SLC39A11: variants seen among roughly 807,000 people sequenced by gnomAD.
The protein encoded by SLC39A11 is solute carrier family 39 member 11.
Under a neutral mutation model 36.1 loss-of-function variants are expected in SLC39A11, and 33 were observed. The observed-to-expected ratio is 0.91, with a 90% CI of 0.69 to 1.22. SLC39A11 has a LOEUF of 1.22. SLC39A11 is among the 50% of genes most tolerant of loss of function. The pLI is 0.00. For missense variants in SLC39A11, 432 were observed against 430.3 expected (o/e 1.00, Z -0.03); for synonymous variants, 166 against 170.3 (o/e 0.97, Z 0.20).
At chr17:73,044,825 C>T (rs2059221991) in intron 3 of SLC39A11, among the ~76,000 whole-genome samples, 1 of 146,210 alleles carries the variant, frequency 6.8e-6, no homozygotes, top group Non-Finnish European at 1.5e-5. Context: ...TGCAGTGAGC[C>T]AAAATCACGC....
chr17:72,908,491 T>C (rs937419263), intron 5 of SLC39A11, among the ~76,000 whole-genome samples: 2 of 152,170 alleles, frequency 1.3e-5, no homozygotes, highest in African/African-American at 2.4e-5. Context: ...GACAGGACAC[T>C]ACCGTGCCGT....
chr17:73,018,455 G>C (rs1268998278), intron 4 of SLC39A11, among the ~76,000 whole-genome samples: 1 of 152,086 alleles, frequency 6.6e-6, no homozygotes, highest in East Asian at 1.9e-4. Context: ...AGCTGAGGCA[G>C]GAGAATCACT....
rs1179763924 is a variant in SLC39A11, at chr17:72,936,881, C to A, written c.430+10871G>T. Among the ~76,000 whole-genome samples the A allele has an allele frequency of 2.0e-5, 3 of 152,324 alleles. No individual in the cohort carries two copies. In the South Asian group the frequency reaches 6.2e-4, roughly 32 times the overall value. ...ACAGGGTTCTCGCTCCTGTGAGAAT[C>A]TAATGCTGCTGTTGATCTGGCTGGA... is the stretch of plus-strand genomic sequence containing the variant. On this transcript the variant is annotated intron_variant, in intron 5 of 9. Coordinates refer to ENST00000255559, the MANE Select transcript of SLC39A11 (RefSeq NM_139177.4).
At chr17:72,919,303 C>T (rs1377578272) in intron 5 of SLC39A11, among the ~76,000 whole-genome samples, 1 of 151,750 alleles carries the variant, frequency 6.6e-6, no homozygotes, top group East Asian at 1.9e-4. Flanking sequence ...AATGGGTAAG[C>T]CATTTGGAAA....
intron 3 of SLC39A11, among the ~76,000 whole-genome samples, chr17:73,077,811 T>C (rs552991438): frequency 2.4e-4 from 37 of 152,310 alleles, no homozygotes; most frequent in African/African-American, 8.4e-4. Context: ...AATGTTCATG[T>C]TTTCATGCTC....
At chr17:73,030,807 C>T (rs745508350) in intron 4 of SLC39A11, among the ~76,000 whole-genome samples, 5 of 152,140 alleles carry the variant, frequency 3.3e-5, no homozygotes, top group Admixed American at 2.6e-4. Flanking sequence ...CGGTTCCCAT[C>T]GCATGACCTG....
chr17:73,001,248 T>A (rs1359884661), intron 4 of SLC39A11, among the ~76,000 whole-genome samples: 1 of 112,044 alleles, frequency 8.9e-6, no homozygotes, highest in Non-Finnish European at 2.2e-5. Flanking sequence ...TAGCTAACAA[T>A]TTTATTCCAG....
intron 5 of SLC39A11, among the ~76,000 whole-genome samples, chr17:72,883,058 A>G (rs1598266692): frequency 6.6e-6 from 1 of 152,002 alleles, no homozygotes; most frequent in East Asian, 1.9e-4. Flanking sequence ...CGGCCTCCCA[A>G]TGTGGTTGGA....
chr17:73,065,163 G>A (rs193069381), intron 3 of SLC39A11, among the ~76,000 whole-genome samples: 101 of 152,300 alleles, frequency 6.6e-4, no homozygotes, highest in African/African-American at 2.4e-3. Flanking sequence ...CCAGCACTTT[G>A]GGAGGCTGAG....
chr17:72,931,603 C>T (rs1384448640), intron 5 of SLC39A11, among the ~76,000 whole-genome samples: 2 of 152,228 alleles, frequency 1.3e-5, no homozygotes, highest in Admixed American at 6.5e-5. Context: ...CTCAGCTGCC[C>T]GGCCCCCTCC....
chr17:72,760,082 A>G (rs918656427), intron 6 of SLC39A11, among the ~76,000 whole-genome samples: 9 of 152,198 alleles, frequency 5.9e-5, no homozygotes, highest in African/African-American at 2.2e-4. Context: ...GCTGGAGTGC[A>G]GTGGTGCAAT....
At chr17:72,724,227 T>G (rs2073829190) in intron 7 of SLC39A11, among the ~76,000 whole-genome samples, 1 of 152,094 alleles carries the variant, frequency 6.6e-6, no homozygotes, top group Admixed American at 6.5e-5. Flanking sequence ...TTGCCCAGGT[T>G]TGGACAAGGA....
intron 4 of SLC39A11, among the ~76,000 whole-genome samples, chr17:72,975,606 C>A (rs1350146270): frequency 6.6e-6 from 1 of 152,184 alleles, no homozygotes; most frequent in Non-Finnish European, 1.5e-5. Context: ...GACTTCCCAG[C>A]CTCCAGACCT....
intron 7 of SLC39A11, among the ~76,000 whole-genome samples, chr17:72,680,585 G>A (rs1260297167): frequency 1.3e-5 from 2 of 152,150 alleles, no homozygotes; most frequent in Non-Finnish European, 2.9e-5. Flanking sequence ...ATGATTGTGA[G>A]GCCTCCCCAG....
In SLC39A11 at chr17:72,695,642, T is replaced by G. The variant is rs1598370541; in HGVS notation, c.671+41008A>C. Among the ~76,000 whole-genome samples the G allele has an allele frequency of 3.3e-5, 5 of 152,196 alleles. No homozygotes were observed. The South Asian group carries it at 1.0e-3, about 32-fold the overall frequency. On this transcript the variant is annotated intron_variant, in intron 7 of 9. Coordinates refer to ENST00000255559, the MANE Select transcript of SLC39A11 (RefSeq NM_139177.4). ...AAAAAAGGGTCTTTGTGGATGTAAT[T>G]AACTTCAGGAGGTAGAGATAAGATC... is the stretch of plus-strand genomic sequence containing the variant.
chr17:72,992,359 A>G (rs2148306688), intron 4 of SLC39A11, among the ~76,000 whole-genome samples: 1 of 152,360 alleles, frequency 6.6e-6, no homozygotes, highest in Middle Eastern at 3.4e-3. Context: ...CATCTCAAAA[A>G]ACGAACAAAA....
intron 6 of SLC39A11, among the ~76,000 whole-genome samples, chr17:72,773,449 C>CT (rs1388804780): frequency 6.6e-6 from 1 of 152,062 alleles, no homozygotes; most frequent in Non-Finnish European, 1.5e-5. Flanking sequence ...GGGGAAACCC[C>CT]TTTTTCTTGG....
At chr17:73,011,748 G>A (rs1468776457) in intron 4 of SLC39A11, among the ~76,000 whole-genome samples, 2 of 149,526 alleles carry the variant, frequency 1.3e-5, no homozygotes, top group African/African-American at 2.5e-5. Flanking sequence ...TGCAACCTTC[G>A]CCTCCTAGGT....
intron 5 of SLC39A11, among the ~76,000 whole-genome samples, chr17:72,907,442 A>G (rs141127623): frequency 7.2e-5 from 11 of 152,314 alleles, no homozygotes; most frequent in Non-Finnish European, 1.5e-4. Context: ...GTGAGCCGAT[A>G]TCACACCATG....
Sources: gnomAD v4.1 joint callset for allele counts (sites outside exome capture counted in the v4.1 genomes callset) on GRCh38, gnomAD v4.1.1 for gene constraint, MANE v1.5 for transcripts, NCBI Gene and HGNC (gene_info 2026-07-23, HGNC 2026-07-21) for gene names.